DIDO1: variants seen among roughly 807,000 people sequenced by gnomAD.
The protein encoded by DIDO1 is death inducer-obliterator 1, also known as death-inducer obliterator 1.
In DIDO1, 16 loss-of-function variants were observed where a neutral mutation model predicts 99.4. The observed-to-expected ratio is 0.16, with a 90% CI of 0.11 to 0.24. The LOEUF is 0.24. DIDO1 is among the 10% of genes least tolerant of loss of function. DIDO1 has a pLI of 1.00. For synonymous variants in DIDO1, 1,366 were observed against 1,239.1 expected, an observed-to-expected ratio of 1.10 and a Z score of -2.15; for missense variants, 2,996 against 3,014.0, an observed-to-expected ratio of 0.99 and a Z score of 0.14.
chr20:62,906,021 A>G lies in DIDO1; in HGVS notation c.1454T>C (p.Val485Ala), dbSNP rs763779568. ...KETTVKKAVV[V>A]PARSEALGKE... ...CCCGAGTGCTTCACTCCGCGCAGGG[A>G]CCACCACTGCCTTCTTCACTGTGGT... The change falls in exon 6 of 16, where the codon GTC becomes GCC. Residue 485 changes from valine to alanine, a missense_variant. Transcript: ENST00000395343. 4 of 1,613,746 alleles carry G rather than the reference A, an allele frequency of 2.5e-6. No individual in the cohort carries two copies. The highest frequency in any genetic ancestry group is 3.4e-6 in the Non-Finnish European group (4 of 1,180,026).
At chr20:62,908,580 T>G (rs2064857279) in intron 4 of DIDO1, among the ~76,000 whole-genome samples, 1 of 152,216 alleles carries the variant, frequency 6.6e-6, no homozygotes, top group Admixed American at 6.5e-5. Context: ...TCACACATAC[T>G]TAAGCGAAAC....
In DIDO1 at chr20:62,894,303, C is replaced by A; in HGVS notation, c.2573-109G>T. 6.4e-7 allele frequency: 1 copy of A among 1,573,900 alleles called. No homozygotes were observed. Among genetic ancestry groups the A allele is most frequent in the Non-Finnish European group, 8.6e-7 (1 of 1,159,938 alleles). ...AGGCAGGGCAGGAAATCATTCTGGC[C>A]CTTCTGCGTGTTTAAGCTTACGTGC... On this transcript the variant is annotated intron_variant, in intron 11 of 15. Coordinates refer to ENST00000395343, the MANE Select transcript of DIDO1 (RefSeq NM_001193369.2). This position sits in a 1 kb window ranked among gnomAD's most constrained non-coding sequence, Gnocchi z 4.4.
intron 1 of DIDO1, among the ~76,000 whole-genome samples, chr20:62,936,286 G>T (rs1250088554): frequency 1.3e-5 from 2 of 152,210 alleles, no homozygotes; most frequent in Admixed American, 1.3e-4. Flanking sequence ...GGATGCGGTG[G>T]CTCATGACTG....
Position 62,880,571 on chromosome 20 carries a change from A to G in DIDO1, c.5385T>C (p.Pro1795=), listed in dbSNP as rs780715301. ...TCTGGGCTCCGAATCTGGCTGGCGG[A>G]GGCCCTCGTGGCCCATCGTTAGAAG... ...NIASNDGPRG[P]PPARFGAQKG... The change falls in exon 16 of 16, where the codon CCT becomes CCC. Residue 1795 remains proline, a synonymous_variant. Transcript: ENST00000395343. The G allele has an allele frequency of 2.4e-5, 38 of 1,612,742 alleles. No individual in the cohort carries two copies. Among genetic ancestry groups the G allele is most frequent in the Non-Finnish European group, 3.1e-5 (36 of 1,180,010 alleles).
chr20:62,900,510 G>T (rs537742439), intron 6 of DIDO1, among the ~76,000 whole-genome samples: 1 of 152,302 alleles, frequency 6.6e-6, no homozygotes, highest in East Asian at 1.9e-4. Context: ...GCTCCTCTCT[G>T]CAGAACCCAT....
Position 62,898,503 on chromosome 20 carries a change from C to T in DIDO1, c.1589-1507G>A, listed in dbSNP as rs1200684805. 2.6e-5 allele frequency among the ~76,000 whole-genome samples: 4 copies of T among 152,360 alleles called. No homozygotes were observed. The East Asian group carries it at 7.7e-4, about 29-fold the overall frequency. On this transcript the variant is annotated intron_variant, in intron 6 of 15. Coordinates refer to ENST00000395343, the MANE Select transcript of DIDO1 (RefSeq NM_001193369.2). ...AATGGTGTCACTGTTAACAGATATTCGCCCCGACTTTCAAGATTTCCATGT... is the reference window on the plus strand; with the variant it reads ...AATGGTGTCACTGTTAACAGATATTTGCCCCGACTTTCAAGATTTCCATGT...
chr20:62,911,623 A>G lies in DIDO1; in HGVS notation c.-2-9T>C, dbSNP rs753034353. The G allele has an allele frequency of 8.4e-6, 13 of 1,550,600 alleles. No homozygotes were observed. Among genetic ancestry groups the G allele is most frequent in the African/African-American group, 1.4e-5 (1 of 73,196 alleles). On this transcript the variant is annotated splice_polypyrimidine_tract_variant and intron_variant, in intron 2 of 15. Coordinates refer to ENST00000395343, the MANE Select transcript of DIDO1 (RefSeq NM_001193369.2). The surrounding 1 kb of genome is among the most constrained non-coding windows in gnomAD (Gnocchi z 7.0). ...GCCTTTGTCGTCCATACCTAGCGGT[A>G]AAGTGTAAGCACATAGTGACCAACT...
intron 6 of DIDO1, among the ~76,000 whole-genome samples, chr20:62,904,839 C>T (rs1023645862): frequency 2.1e-5 from 3 of 145,022 alleles, no homozygotes; most frequent in East Asian, 4.1e-4. Flanking sequence ...CCAGACCTAG[C>T]ATAGGTCTGC....
At chr20:62,912,843 C>G (rs1030056201) in intron 2 of DIDO1, among the ~76,000 whole-genome samples, 1 of 152,140 alleles carries the variant, frequency 6.6e-6, no homozygotes, top group Non-Finnish European at 1.5e-5. Context: ...ACCAGCCTGG[C>G]CAACATGGTG....
At chr20:62,888,670 G>T (rs757481818) in intron 15 of DIDO1, 5 of 985,284 alleles carry the variant, frequency 5.1e-6, no homozygotes, top group African/African-American at 1.7e-5. Flanking sequence ...ACACACGCGC[G>T]CACATGCACA....
chr20:62,922,072 TACACTATATAC>T (rs2065154877), intron 1 of DIDO1, among the ~76,000 whole-genome samples: 1 of 138,818 alleles, frequency 7.2e-6, no homozygotes, highest in Non-Finnish European at 1.5e-5. Context: ...ACACACTATA[TACACTATATAC>T]ACACTATATA....
chr20:62,937,738 C>T, intron 1 of DIDO1: 1 of 397,862 alleles, frequency 2.5e-6, no homozygotes, highest in East Asian at 3.6e-5. Flanking sequence ...ACACCCGGCG[C>T]CTTTCCCCCG....
intron 6 of DIDO1, among the ~76,000 whole-genome samples, chr20:62,903,514 G>A (rs2064731012): frequency 6.6e-6 from 1 of 152,156 alleles, no homozygotes; most frequent in Non-Finnish European, 1.5e-5. Context: ...GCAGGGCAGG[G>A]GCCTCAAAGG....
intron 2 of DIDO1, among the ~76,000 whole-genome samples, chr20:62,912,425 A>C (rs2064962837): frequency 7.2e-6 from 1 of 138,816 alleles, no homozygotes. Flanking sequence ...TTTAAGGTAT[A>C]TTTCTTTTTT....
rs540990053 is a variant in DIDO1 at position 62,881,687 on chromosome 20, C to G, written c.4269G>C (p.Glu1423Asp). The change falls in exon 16 of 16, where the codon GAG becomes GAC. Residue 1423 changes from glutamate (E) to aspartate (D), a missense_variant. Transcript: ENST00000395343. The surrounding 1 kb of genome is among the most constrained non-coding windows in gnomAD (Gnocchi z 8.3). The part of the protein sequence containing the change: ...APEAAAAERE[E>D]VAYDPEDETI... ...TCTCATCCTCGGGGTCATAGGCCAC[C>G]TCTTCCCGCTCGGCTGCAGCTGCTT... The G allele has an allele frequency of 1.2e-6, 2 of 1,612,902 alleles. No individual in the cohort carries two copies. Among genetic ancestry groups the G allele is most frequent in the East Asian group, 4.5e-5 (2 of 44,868 alleles).
At chr20:62,908,297 T>TA (rs1297911879) in intron 4 of DIDO1, among the ~76,000 whole-genome samples, 3 of 152,138 alleles carry the variant, frequency 2.0e-5, no homozygotes, top group African/African-American at 7.2e-5. Flanking sequence ...ACTTATACAG[T>TA]AAAAAACAGC....
chr20:62,895,491 A>G (rs1293537133), intron 8 of DIDO1, among the ~76,000 whole-genome samples: 1 of 152,270 alleles, frequency 6.6e-6, no homozygotes, highest in Non-Finnish European at 1.5e-5. Context: ...ACCTCAGGAA[A>G]AACAATTATG....
rs761628326 is a variant in DIDO1 at position 62,896,692 on chromosome 20, G to A, written c.1893C>T (p.Ser631=). The A allele has an allele frequency of 3.2e-5, 52 of 1,613,824 alleles. No individual in the cohort carries two copies. The East Asian group carries it at 6.2e-4, about 19-fold the overall frequency. ...ATAASKKFPG[S]AALVGAVRKP... is the part of the protein sequence containing the mutation. ...TCCTTACGGCTCCCACCAAAGCAGCGGAGCCAGGGAACTTCTTGGAGGCAG... is the reference window on the plus strand; with the variant it reads ...TCCTTACGGCTCCCACCAAAGCAGCAGAGCCAGGGAACTTCTTGGAGGCAG... Residue 631 remains serine (S), a synonymous_variant, in exon 7 of 16, where the codon TCC becomes TCT. Coordinates refer to ENST00000395343, the MANE Select transcript of DIDO1 (RefSeq NM_001193369.2). The surrounding 1 kb of genome is among the most constrained non-coding windows in gnomAD (Gnocchi z 4.4).
At chr20:62,899,246 C>T (rs923995177) in intron 6 of DIDO1, among the ~76,000 whole-genome samples, 1 of 152,164 alleles carries the variant, frequency 6.6e-6, no homozygotes, top group Non-Finnish European at 1.5e-5. Flanking sequence ...TTTAATATCA[C>T]GTTTAAAGAA....
Sources: gnomAD v4.1 joint callset for allele counts (sites outside exome capture counted in the v4.1 genomes callset) on GRCh38, gnomAD v4.1.1 for gene constraint, Gnocchi (gnomAD v3.1) non-coding constraint, MANE v1.5 for transcripts, NCBI Gene and HGNC (gene_info 2026-07-23, HGNC 2026-07-21) for gene names.